Variants in OXCT1 observed in about 807,000 individuals in gnomAD.
OXCT1 encodes the protein succinyl-CoA:3-ketoacid coenzyme A transferase 1, mitochondrial.
A neutral mutation model predicts 69.6 loss-of-function variants in OXCT1; 27 were observed. The ratio of observed to expected loss-of-function variants is 0.39; its 90% confidence interval spans 0.29 to 0.54. The LOEUF (loss-of-function observed/expected upper bound fraction) is 0.54. OXCT1 is among the 20% of genes least tolerant of loss of function. OXCT1 has a pLI of 0.72. For missense variants in OXCT1, 437 were observed against 650.2 expected (o/e 0.67, Z 3.57); for synonymous variants, 202 against 217.8 (o/e 0.93, Z 0.64).
chr5:41,818,580 T>A (rs13168035), intron 7 of OXCT1, among the ~76,000 whole-genome samples: 27,616 of 152,180 alleles, frequency 0.18, 2,727 homozygotes, highest in Middle Eastern at 0.29. Flanking sequence ...CTCTTCTGAT[T>A]ATTGTGGCTT....
chr5:41,738,175 T>C (rs1280798088), intron 16 of OXCT1, among the ~76,000 whole-genome samples: 2 of 152,232 alleles, frequency 1.3e-5, no homozygotes, highest in African/African-American at 4.8e-5. Flanking sequence ...TTCTCCAAGA[T>C]GTGTAGCTGT....
chr5:41,836,010 T>A (rs1748342055), intron 7 of OXCT1, among the ~76,000 whole-genome samples: 3 of 152,142 alleles, frequency 2.0e-5, no homozygotes, highest in Admixed American at 1.3e-4. Flanking sequence ...CACAGAAGAC[T>A]AGCAGAGGGG....
intron 5 of OXCT1, among the ~76,000 whole-genome samples, chr5:41,846,957 G>C (rs985802301): frequency 2.0e-5 from 3 of 151,966 alleles, no homozygotes; most frequent in African/African-American, 7.3e-5. Flanking sequence ...CATGTCCTTC[G>C]CCCACTTTTT....
At chr5:41,779,818 A>C (rs1284665332) in intron 13 of OXCT1, among the ~76,000 whole-genome samples, 1 of 152,150 alleles carries the variant, frequency 6.6e-6, no homozygotes, top group Non-Finnish European at 1.5e-5. Flanking sequence ...AAAAACACTT[A>C]TGAAAAATTA....
At chr5:41,863,867 T>C (rs950706623) in intron 1 of OXCT1, among the ~76,000 whole-genome samples, 8 of 152,194 alleles carry the variant, frequency 5.3e-5, no homozygotes, top group Admixed American at 3.9e-4. Flanking sequence ...AAAGCCAATA[T>C]GAACAAAACA....
chr5:41,854,341 T>G (rs1228442455), intron 3 of OXCT1, among the ~76,000 whole-genome samples: 1 of 152,182 alleles, frequency 6.6e-6, no homozygotes, highest in African/African-American at 2.4e-5. Flanking sequence ...ATTTTTTCAT[T>G]GGGTGAAGGT....
At chr5:41,738,278 T>C (rs1399331713) in intron 16 of OXCT1, among the ~76,000 whole-genome samples, 2 of 152,214 alleles carry the variant, frequency 1.3e-5, no homozygotes, top group Non-Finnish European at 2.9e-5. Flanking sequence ...CTTTCTGATA[T>C]GGTTTGGCTG....
chr5:41,782,248 T>A (rs1745443945), intron 13 of OXCT1, among the ~76,000 whole-genome samples: 1 of 151,606 alleles, frequency 6.6e-6, no homozygotes, highest in Admixed American at 6.6e-5. Flanking sequence ...GGAGTCTTGC[T>A]CTGCTGCCCA....
intron 15 of OXCT1, among the ~76,000 whole-genome samples, chr5:41,742,487 A>AT (rs1743219450): frequency 2.0e-5 from 3 of 152,094 alleles, no homozygotes; most frequent in Admixed American, 2.0e-4. Context: ...ATTTTACTTT[A>AT]TTTTTTTATT....
At chr5:41,791,315 A>G (rs1199823529) in intron 13 of OXCT1, among the ~76,000 whole-genome samples, 2 of 152,212 alleles carry the variant, frequency 1.3e-5, no homozygotes, top group African/African-American at 4.8e-5. Context: ...CTTATGCTTA[A>G]TTTTTCTCAA....
intron 7 of OXCT1, among the ~76,000 whole-genome samples, chr5:41,813,772 CA>C (rs1747099117): frequency 2.0e-5 from 3 of 148,244 alleles, no homozygotes; most frequent in African/African-American, 7.9e-5. Context: ...TAGAACAAAC[CA>C]ATTACCTTTA....
intron 7 of OXCT1, among the ~76,000 whole-genome samples, chr5:41,811,895 G>C (rs1747002638): frequency 6.6e-6 from 1 of 152,160 alleles, no homozygotes; most frequent in South Asian, 2.1e-4. Flanking sequence ...GAAGTGTGGT[G>C]AGGAATATTT....
At chr5:41,853,661 T>A in intron 3 of OXCT1, 107 bp from the exon 4 acceptor site, 1 of 1,221,752 alleles carries the variant, frequency 8.2e-7, no homozygotes, top group Non-Finnish European at 1.2e-6. Flanking sequence ...AAATCCTTTC[T>A]TATAGGCATT....
chr5:41,860,564 C>T (rs978756), intron 3 of OXCT1, among the ~76,000 whole-genome samples: 152,135 of 152,286 alleles, frequency 1, 75,994 homozygotes, highest in Non-Finnish European at 1. Context: ...ATCAGTTTTA[C>T]TTCCCAAATA....
intron 13 of OXCT1, among the ~76,000 whole-genome samples, chr5:41,786,970 C>G (rs1745667634): frequency 3.3e-5 from 5 of 152,140 alleles, no homozygotes; most frequent in Admixed American, 3.3e-4. Flanking sequence ...ATTAAATGCC[C>G]TCCTGAAGAG....
intron 15 of OXCT1, among the ~76,000 whole-genome samples, chr5:41,748,730 G>T (rs1335507671): frequency 6.6e-6 from 1 of 152,058 alleles, no homozygotes; most frequent in African/African-American, 2.4e-5. Context: ...AGTGAGGTTA[G>T]CGAGTCAGAT....
At chr5:41,768,012 CCT>C (rs1744700537) in intron 13 of OXCT1, among the ~76,000 whole-genome samples, 1 of 151,894 alleles carries the variant, frequency 6.6e-6, no homozygotes. Flanking sequence ...ATGAACTGCC[CCT>C]GTCTCTGATG....
At position 41,853,547 on chromosome 5, in the gene OXCT1, T is replaced by C; in HGVS notation, c.286A>G (p.Asn96Asp). The C allele has an allele frequency of 6.2e-7, 1 of 1,613,808 alleles. No individual in the cohort carries two copies. Among genetic ancestry groups the C allele is most frequent in the Non-Finnish European group, 8.5e-7 (1 of 1,179,888 alleles). The part of the protein sequence containing the change: ...TAVSNNAGVD[N>D]FGLGLLLRSK... ...CGAAGCAAAAGCCCCAAACCAAAAT[T>C]GTCAACCCTAGAAGGAAAATGAAGG... is the stretch of plus-strand genomic sequence containing the variant. The change falls in exon 4 of 17, where the codon AAT becomes GAT. Residue 96 changes from asparagine to aspartate, a missense_variant. By Grantham distance (23) the Asn-to-Asp change is conservative. This residue lies in a region of OXCT1 where 252 missense variants were observed against 397.4 expected (regional missense o/e 0.63). Transcript: ENST00000196371.
In OXCT1 at chr5:41,730,481, A is replaced by C. The variant is rs534070844; in HGVS notation, c.*1248T>G. ...ACATGAATAAGTTTGTATATTTAGG[A>C]CCAGAGGAATGATATATCGTACTGT... On this transcript the variant is annotated 3_prime_UTR_variant, in exon 17 of 17. Transcript: ENST00000196371. 6.6e-6 allele frequency: 1 copy of C among 152,226 alleles called. No individual in the cohort carries two copies. Among genetic ancestry groups the C allele is most frequent in the Non-Finnish European group, 1.5e-5 (1 of 68,038 alleles). The allele number at this position is 152,226 out of a possible 1,614,324, so 9.4% of individuals were successfully genotyped here. A position where few individuals can be genotyped will look rare whatever the true frequency, so the allele number is the denominator to read the frequency against.
Sources: gnomAD v4.1 joint callset for allele counts (sites outside exome capture counted in the v4.1 genomes callset) on GRCh38, gnomAD v4.1.1 for gene constraint, gnomAD v4.1.1 regional missense constraint, MANE v1.5 for transcripts, NCBI Gene and HGNC (gene_info 2026-07-23, HGNC 2026-07-21) for gene names.